The following TNIK variants were observed in gnomAD, a reference collection of about 807,000 sequenced individuals.
The protein encoded by TNIK is TRAF2 and NCK-interacting protein kinase.
A neutral mutation model predicts 191.3 loss-of-function variants in TNIK; 49 were observed. That is an observed-to-expected ratio of 0.26 (90% CI 0.20 to 0.32). The LOEUF is 0.32. Ranked by LOEUF, TNIK falls within the 10% of genes least tolerant of loss-of-function variation. The probability of loss-of-function intolerance (pLI) is 1.00; values close to 1 mark genes in which losing one functional copy is unlikely to be tolerated. For missense variants in TNIK, 1,155 were observed against 1,702.3 expected, an observed-to-expected ratio of 0.68 and a Z score of 5.66; for synonymous variants, 594 against 600.9, an observed-to-expected ratio of 0.99 and a Z score of 0.17.
In TNIK at chr3:171,452,124, C is replaced by T. The variant is rs538530176; in HGVS notation, c.57+7883G>A. 1.1e-3 allele frequency among the ~76,000 whole-genome samples: 170 copies of T among 152,270 alleles called. 2 individuals are homozygous for T. Among genetic ancestry groups the T allele is most frequent in the East Asian group, 2.3e-3 (12 of 5,188 alleles). On this transcript the variant is annotated intron_variant, in intron 1 of 32. Coordinates refer to ENST00000436636, the MANE Select transcript of TNIK (RefSeq NM_015028.4). ...CCAGCAGCAACACTGTAAGGGAGTA[C>T]CCAGCGGAAGTCACAGTCAGCCCTT...
intron 2 of TNIK, among the ~76,000 whole-genome samples, chr3:171,279,129 CA>C (rs200017554): frequency 4.3e-4 from 64 of 147,166 alleles, no homozygotes; most frequent in South Asian, 8.5e-4. Context: ...GTCTAACTAG[CA>C]AAAAGAAAAA....
chr3:171,133,326 G>A (rs1258944772), intron 15 of TNIK, among the ~76,000 whole-genome samples: 1 of 152,226 alleles, frequency 6.6e-6, no homozygotes, highest in African/African-American at 2.4e-5. Flanking sequence ...TCACCTGGGA[G>A]AGGTGGGTGA....
At chr3:171,291,821 T>C (rs1751712770) in intron 2 of TNIK, among the ~76,000 whole-genome samples, 1 of 152,200 alleles carries the variant, frequency 6.6e-6, no homozygotes, top group Admixed American at 6.5e-5. Context: ...TCAATATTTT[T>C]TCTGTTCCAC....
chr3:171,102,160 G>A (rs1723678755), intron 21 of TNIK: 1 of 152,122 alleles, frequency 6.6e-6, no homozygotes, highest in Non-Finnish European at 1.5e-5. Context: ...ATCATTCCCT[G>A]GAGAATGGAG....
intron 9 of TNIK, among the ~76,000 whole-genome samples, chr3:171,172,433 A>C (rs972746822): frequency 1.3e-5 from 2 of 152,238 alleles, no homozygotes; most frequent in Non-Finnish European, 2.9e-5. Context: ...AAACATAAAC[A>C]AAATGTTTCA....
chr3:171,169,717 AATCTCCAG>A (rs1250857501), intron 9 of TNIK, among the ~76,000 whole-genome samples: 1 of 152,230 alleles, frequency 6.6e-6, no homozygotes, highest in African/African-American at 2.4e-5. Flanking sequence ...CAGTCAGAGA[AATCTCCAG>A]ATCTCCAGAA....
At chr3:171,322,675 A>G (rs1755285342) in intron 2 of TNIK, among the ~76,000 whole-genome samples, 1 of 152,152 alleles carries the variant, frequency 6.6e-6, no homozygotes, top group Admixed American at 6.5e-5. Context: ...GAAAAACACA[A>G]AATGGTGTAA....
intron 15 of TNIK, among the ~76,000 whole-genome samples, chr3:171,132,511 A>G (rs544134918): frequency 6.6e-6 from 1 of 152,374 alleles, no homozygotes; most frequent in East Asian, 1.9e-4. Flanking sequence ...TAAAGGCTAT[A>G]CAAATATAGA....
chr3:171,151,449 C>G (rs1732421376), intron 12 of TNIK, among the ~76,000 whole-genome samples: 1 of 152,180 alleles, frequency 6.6e-6, no homozygotes, highest in South Asian at 2.1e-4. Flanking sequence ...TCAAAGGCAC[C>G]TACACCAATA....
intron 2 of TNIK, among the ~76,000 whole-genome samples, chr3:171,323,266 T>G (rs10513695): frequency 0.29 from 44,199 of 152,054 alleles, 6,643 homozygotes; most frequent in African/African-American, 0.39. Context: ...TATTCCATGT[T>G]GACACTCAGT....
chr3:171,075,922 G>A (rs956241582), intron 28 of TNIK, among the ~76,000 whole-genome samples: 1 of 152,018 alleles, frequency 6.6e-6, no homozygotes, highest in African/African-American at 2.4e-5. Context: ...ATTTTTAGTA[G>A]AGACAGGGTT....
intron 28 of TNIK, among the ~76,000 whole-genome samples, chr3:171,074,721 A>G (rs1719671420): frequency 6.6e-6 from 1 of 152,172 alleles, no homozygotes; most frequent in Non-Finnish European, 1.5e-5. Flanking sequence ...CTCATTTTAT[A>G]TTTTTAAAAT....
At chr3:171,282,368 T>C (rs1577343714) in intron 2 of TNIK, among the ~76,000 whole-genome samples, 1 of 139,018 alleles carries the variant, frequency 7.2e-6, no homozygotes, top group Admixed American at 7.8e-5. Flanking sequence ...TGAGATGGAG[T>C]TTCGCTCTTG....
chr3:171,385,663 A>C (rs543839174), intron 1 of TNIK, among the ~76,000 whole-genome samples: 1 of 152,330 alleles, frequency 6.6e-6, no homozygotes, highest in South Asian at 2.1e-4. Context: ...ACAGACAGAG[A>C]TATCAGTAGA....
chr3:171,149,850 A>G (rs1732193661), intron 12 of TNIK, among the ~76,000 whole-genome samples: 1 of 152,176 alleles, frequency 6.6e-6, no homozygotes, highest in Non-Finnish European at 1.5e-5. Flanking sequence ...CAGGAATAAA[A>G]AGCTGTGCTG....
chr3:171,128,485 T>C (rs1347571838), intron 16 of TNIK, among the ~76,000 whole-genome samples: 1 of 152,158 alleles, frequency 6.6e-6, no homozygotes, highest in East Asian at 1.9e-4. Flanking sequence ...CCAATTTAAA[T>C]AGAAGTGAGT....
intron 2 of TNIK, among the ~76,000 whole-genome samples, chr3:171,322,195 A>G (rs767580899): frequency 1.5e-4 from 23 of 152,216 alleles, no homozygotes; most frequent in Non-Finnish European, 3.2e-4. Context: ...CTAAGGGTCA[A>G]TATGAAAAAA....
In TNIK at chr3:171,066,315, A is replaced by G; in HGVS notation, c.3871T>C (p.Ser1291Pro). 6.2e-7 allele frequency: 1 copy of G among 1,613,944 alleles called. No homozygotes were observed. Among genetic ancestry groups the G allele is most frequent in the Non-Finnish European group, 8.5e-7 (1 of 1,179,882 alleles). ...EMPTSVAYIH[S>P]NQIMGWGEKA... ...TCGCCCCAGCCCATTATCTGATTGG[A>G]ATGAATGTAGGCTGTCAAAAGGAAT... Residue 1291 changes from serine (S) to proline (P), a missense_variant, in exon 32 of 33, where the codon TCC becomes CCC. This residue lies in a region of TNIK where 195 missense variants were observed against 415.4 expected (regional missense o/e 0.47). Coordinates refer to ENST00000436636, the MANE Select transcript of TNIK (RefSeq NM_015028.4).
intron 19 of TNIK, among the ~76,000 whole-genome samples, chr3:171,108,963 G>A (rs1458833756): frequency 2.0e-5 from 3 of 152,198 alleles, no homozygotes; most frequent in Non-Finnish European, 4.4e-5. Flanking sequence ...TTCTTAAAAA[G>A]TAGTCTTTCT....
Sources: allele counts gnomAD v4.1 joint callset (sites outside exome capture counted in the v4.1 genomes callset), GRCh38; gene constraint gnomAD v4.1.1; regional missense constraint gnomAD v4.1.1; transcripts MANE v1.5; gene names NCBI Gene and HGNC (gene_info 2026-07-23, HGNC 2026-07-21).